The following CAPSL variants were observed in gnomAD, a reference collection of about 807,000 sequenced individuals.
CAPSL encodes calcyphosine like, also known as calcyphosin-like protein.
CAPSL carries 17 observed loss-of-function variants against 21.3 expected under a neutral mutation model. That is an observed-to-expected ratio of 0.80 (90% CI 0.55 to 1.20). The LOEUF is 1.20. Among genes scored for constraint, CAPSL ranks in the 50% most tolerant of loss-of-function variants. The pLI is 0.00. For synonymous variants in CAPSL, 102 were observed against 89.3 expected (o/e 1.14, Z -0.80); for missense variants, 289 against 259.3 (o/e 1.11, Z -0.79).
intron 2 of CAPSL, among the ~76,000 whole-genome samples, chr5:35,917,571 A>G (rs1738425147): frequency 6.6e-6 from 1 of 152,212 alleles, no homozygotes; most frequent in African/African-American, 2.4e-5. Context: ...TTGTAGGGAC[A>G]TGGATGAAGC....
intron 2 of CAPSL, among the ~76,000 whole-genome samples, chr5:35,917,377 A>G (rs1464726447): frequency 6.6e-6 from 1 of 152,236 alleles, no homozygotes; most frequent in Non-Finnish European, 1.5e-5. Flanking sequence ...TATATACCCA[A>G]AGGATTATAA....
intron 1 of CAPSL, among the ~76,000 whole-genome samples, chr5:35,936,971 C>A (rs896920285): frequency 2.0e-5 from 3 of 152,166 alleles, no homozygotes; most frequent in African/African-American, 7.2e-5. Context: ...ACAGCAATAC[C>A]ATTTACCTGG....
intron 1 of CAPSL, among the ~76,000 whole-genome samples, chr5:35,937,734 G>T (rs1738988923): frequency 6.6e-6 from 1 of 150,852 alleles, no homozygotes; most frequent in South Asian, 2.1e-4. Flanking sequence ...ATTTTTATCA[G>T]AATATAAATA....
In CAPSL at chr5:35,909,428, C is replaced by G. The variant is rs925683624; in HGVS notation, c.525+438G>C. Among the ~76,000 whole-genome samples, 11 of 152,142 alleles carry G rather than the reference C, an allele frequency of 7.2e-5. No homozygotes were observed. The South Asian group carries it at 1.0e-3, about 14-fold the overall frequency. On this transcript the variant is annotated intron_variant, in intron 4 of 4. Coordinates refer to ENST00000651391, the MANE Select transcript of CAPSL (RefSeq NM_001042625.2). ...ATGAGTGTGAAGGCACTAAAACATCCTGAAAGGCCTTGTAAATCTGTTCTC... is the reference window on the plus strand; with the variant it reads ...ATGAGTGTGAAGGCACTAAAACATCGTGAAAGGCCTTGTAAATCTGTTCTC...
At chr5:35,918,531 C>T (rs540870339) in intron 2 of CAPSL, among the ~76,000 whole-genome samples, 20 of 152,140 alleles carry the variant, frequency 1.3e-4, no homozygotes, top group Non-Finnish European at 2.6e-4. Context: ...ATGATGGGTG[C>T]AGCAAACCAC....
Position 35,922,071 on chromosome 5 carries a change from GAAAAA to G in CAPSL, c.1-956_1-952del, listed in dbSNP as rs35010602. Reference sequence around the variant, plus strand: ...TGCAAAGGACAGCATGCAATGTGCAGAAAAAAAAAAAAAAACGGTATTAGAATGTG... The same window carrying G: ...TGCAAAGGACAGCATGCAATGTGCAGAAAAAAAAAACGGTATTAGAATGTG... On this transcript the variant is annotated intron_variant, in intron 1 of 4. Transcript: ENST00000651391. 2.8e-4 allele frequency among the ~76,000 whole-genome samples: 41 copies of G among 146,480 alleles called. No homozygotes were observed. In the East Asian group the frequency reaches 4.4e-3, roughly 16 times the overall value.
intron 1 of CAPSL, among the ~76,000 whole-genome samples, chr5:35,921,387 C>T (rs550879937): frequency 6.6e-6 from 1 of 152,298 alleles, no homozygotes; most frequent in South Asian, 2.1e-4. Context: ...CTTTCTGAAG[C>T]CCTCTTCCAT....
At chr5:35,914,557 A>C (rs1003130985) in intron 2 of CAPSL, among the ~76,000 whole-genome samples, 2 of 152,186 alleles carry the variant, frequency 1.3e-5, no homozygotes, top group African/African-American at 4.8e-5. Flanking sequence ...TAAGAAACTC[A>C]CTCAAAACCT....
chr5:35,916,945 A>G (rs1329615363), intron 2 of CAPSL, among the ~76,000 whole-genome samples: 2 of 152,222 alleles, frequency 1.3e-5, no homozygotes, highest in African/African-American at 4.8e-5. Flanking sequence ...AGAAGGGGAG[A>G]AAATTTTTGC....
At chr5:35,912,715 A>G (rs997884148) in intron 2 of CAPSL, among the ~76,000 whole-genome samples, 1 of 152,238 alleles carries the variant, frequency 6.6e-6, no homozygotes, top group African/African-American at 2.4e-5. Context: ...TCTGTATGTC[A>G]CCATCATCAA....
At chr5:35,922,007 G>A (rs550035332) in intron 1 of CAPSL, among the ~76,000 whole-genome samples, 46 of 151,696 alleles carry the variant, frequency 3.0e-4, no homozygotes, top group Non-Finnish European at 5.6e-4. Flanking sequence ...CCTGTGAGTC[G>A]TGAATGAAAA....
chr5:35,919,190 TAA>T (rs34767517), intron 2 of CAPSL, among the ~76,000 whole-genome samples: 26,901 of 144,174 alleles, frequency 0.19, 2,817 homozygotes, highest in Non-Finnish European at 0.22. Flanking sequence ...TATATATATA[TAA>T]AAATTGTGAA....
At chr5:35,907,175 A>G (rs369653897) in intron 4 of CAPSL, among the ~76,000 whole-genome samples, 1 of 152,216 alleles carries the variant, frequency 6.6e-6, no homozygotes, top group South Asian at 2.1e-4. Flanking sequence ...TATCATATAT[A>G]CAAGGAAAGG....
intron 2 of CAPSL, among the ~76,000 whole-genome samples, chr5:35,914,762 G>T (rs1387683720): frequency 6.6e-6 from 1 of 152,176 alleles, no homozygotes; most frequent in African/African-American, 2.4e-5. Flanking sequence ...AAGCAGGAAA[G>T]ATCTAAAATT....
intron 4 of CAPSL, among the ~76,000 whole-genome samples, chr5:35,908,989 C>A (rs564302578): frequency 2.2e-4 from 34 of 152,292 alleles, no homozygotes; most frequent in Non-Finnish European, 4.0e-4. Context: ...AGACAATGAA[C>A]CCTGGGGCTG....
At chr5:35,938,763 T>C (rs184621316), upstream of CAPSL, 1 of 152,572 alleles carries the variant, frequency 6.6e-6, no homozygotes. Flanking sequence ...ATCTCTACTC[T>C]GGTTCTGCCT....
chr5:35,934,633 A>C (rs533857774), intron 1 of CAPSL, among the ~76,000 whole-genome samples: 1 of 152,316 alleles, frequency 6.6e-6, no homozygotes, highest in African/African-American at 2.4e-5. Context: ...TTCAGTGACC[A>C]TATCCTTCAC....
In CAPSL at chr5:35,910,500, A is replaced by C. The variant is rs114583055; in HGVS notation, c.181T>G (p.Phe61Val). The C allele has an allele frequency of 4.0e-5, 64 of 1,612,362 alleles. No homozygotes were observed. In the African/African-American group the frequency reaches 7.6e-4, roughly 19 times the overall value. The change falls in exon 3 of 5, where the codon TTT becomes GTT. Residue 61 changes from phenylalanine (F) to valine (V), a missense_variant. By Grantham distance (50) the Phe-to-Val change is conservative. Transcript: ENST00000651391. ...MDDDNNRTLD[F>V]KEFMKGLNDY... Reference sequence around the variant, plus strand: ...TTTAACCCTTTCATAAATTCTTTAAAATCAAGGGTTCGATTATTATCGTCA... The same window carrying C: ...TTTAACCCTTTCATAAATTCTTTAACATCAAGGGTTCGATTATTATCGTCA...
chr5:35,916,473 G>C (rs888052402), intron 2 of CAPSL, among the ~76,000 whole-genome samples: 1 of 152,116 alleles, frequency 6.6e-6, no homozygotes, highest in South Asian at 2.1e-4. Context: ...ATACTACAAG[G>C]CTACAGTAAC....
Sources: allele counts gnomAD v4.1 joint callset (sites outside exome capture counted in the v4.1 genomes callset), GRCh38; gene constraint gnomAD v4.1.1; transcripts MANE v1.5; gene names NCBI Gene and HGNC (gene_info 2026-07-23, HGNC 2026-07-21).